Variants in ARMC9 observed in about 807,000 individuals in gnomAD.
The protein encoded by ARMC9 is armadillo repeat containing 9.
A neutral mutation model predicts 107.0 loss-of-function variants in ARMC9; 94 were observed. The ratio of observed to expected loss-of-function variants is 0.88; its 90% confidence interval spans 0.74 to 1.04. ARMC9 has a LOEUF of 1.04. ARMC9 is among the 50% of genes least tolerant of loss of function. The probability of loss-of-function intolerance (pLI) is 0.00; values close to 1 mark genes in which losing one functional copy is unlikely to be tolerated. For missense variants in ARMC9, 942 were observed against 1,030.1 expected, an observed-to-expected ratio of 0.91 and a Z score of 1.17; for synonymous variants, 380 against 396.9, an observed-to-expected ratio of 0.96 and a Z score of 0.51.
At chr2:231,274,841 G>T (rs1439478591) in intron 14 of ARMC9, among the ~76,000 whole-genome samples, 1 of 152,168 alleles carries the variant, frequency 6.6e-6, no homozygotes, top group East Asian at 1.9e-4. Flanking sequence ...CCCTGCCAAT[G>T]AAAATTCTTT....
At chr2:231,348,148 T>C (rs1378486357) in intron 21 of ARMC9, among the ~76,000 whole-genome samples, 1 of 152,230 alleles carries the variant, frequency 6.6e-6, no homozygotes, top group Non-Finnish European at 1.5e-5. Context: ...GCTGATGTGA[T>C]TAAGTTAAGG....
intron 11 of ARMC9, among the ~76,000 whole-genome samples, chr2:231,260,238 A>G (rs765509239): frequency 6.6e-6 from 1 of 152,154 alleles, no homozygotes; most frequent in Non-Finnish European, 1.5e-5. Flanking sequence ...CACACTTCAT[A>G]TAGCCTCCCA....
chr2:231,344,012 ATG>A (rs1396239606), intron 20 of ARMC9, among the ~76,000 whole-genome samples: 1 of 152,186 alleles, frequency 6.6e-6, no homozygotes, highest in Admixed American at 6.6e-5. Flanking sequence ...ACATGGCTAT[ATG>A]ATATATATAT....
chr2:231,335,446 G>GC (rs2044021796), intron 20 of ARMC9, among the ~76,000 whole-genome samples: 1 of 152,158 alleles, frequency 6.6e-6, no homozygotes, highest in African/African-American at 2.4e-5. Context: ...TGGACCAGTA[G>GC]CCCACCTGTT....
chr2:231,225,210 A>G (rs1457360116), intron 6 of ARMC9, among the ~76,000 whole-genome samples: 5 of 152,214 alleles, frequency 3.3e-5, no homozygotes, highest in African/African-American at 4.8e-5. Context: ...ATTTCTATGC[A>G]TTTTTATCAA....
chr2:231,229,325 T>C (rs956801877), intron 7 of ARMC9, among the ~76,000 whole-genome samples: 2 of 152,194 alleles, frequency 1.3e-5, no homozygotes, highest in African/African-American at 4.8e-5. Context: ...TTGTTTTAAG[T>C]GAAGTGGTTG....
chr2:231,235,336 A>G lies in ARMC9; in HGVS notation c.735A>G (p.Thr245=). ...ACTACCACAATCTCATTGGAGTCACAGCAGAGCTGGTGGATTCTCTAGAGG... is the reference window on the plus strand; with the variant it reads ...ACTACCACAATCTCATTGGAGTCACGGCAGAGCTGGTGGATTCTCTAGAGG... ...QADYHNLIGV[T]AELVDSLEAT... is the part of the protein sequence containing the mutation. The change falls in exon 8 of 25, where the codon ACA becomes ACG. Residue 245 remains threonine (T), a synonymous_variant. Coordinates refer to ENST00000611582, the MANE Select transcript of ARMC9 (RefSeq NM_001352754.2). The G allele has an allele frequency of 6.2e-7, 1 of 1,614,262 alleles. No homozygotes were observed. The highest frequency in any genetic ancestry group is 8.5e-7 in the Non-Finnish European group (1 of 1,180,046).
intron 19 of ARMC9, among the ~76,000 whole-genome samples, chr2:231,311,013 G>C (rs906374907): frequency 9.2e-5 from 14 of 152,126 alleles, no homozygotes; most frequent in African/African-American, 3.4e-4. Context: ...TGTAGTCCCA[G>C]CTACTTGGGA....
chr2:231,317,463 A>C (rs2042766106), intron 19 of ARMC9, among the ~76,000 whole-genome samples: 2 of 150,536 alleles, frequency 1.3e-5, no homozygotes, highest in Admixed American at 6.6e-5. Context: ...GAGCCACTGC[A>C]CCCGGCCTGG....
intron 7 of ARMC9, among the ~76,000 whole-genome samples, chr2:231,234,429 CCTT>C (rs1222492075): frequency 2.0e-5 from 3 of 152,054 alleles, no homozygotes; most frequent in Non-Finnish European, 4.4e-5. Flanking sequence ...AATCTCTTCT[CCTT>C]CTGGATTCTT....
At chr2:231,227,153 A>G (rs1329870870) in intron 7 of ARMC9, among the ~76,000 whole-genome samples, 6 of 152,202 alleles carry the variant, frequency 3.9e-5, no homozygotes, top group African/African-American at 9.7e-5. Flanking sequence ...TTATTTTAAT[A>G]TTTAACTTTT....
chr2:231,239,569 T>A (rs2036090670), intron 8 of ARMC9, among the ~76,000 whole-genome samples: 1 of 152,332 alleles, frequency 6.6e-6, no homozygotes, highest in Middle Eastern at 3.4e-3. Flanking sequence ...GATCTTCAGT[T>A]CTGAAGCTTG....
intron 19 of ARMC9, among the ~76,000 whole-genome samples, chr2:231,323,179 A>G (rs1469888868): frequency 6.6e-6 from 1 of 151,994 alleles, no homozygotes; most frequent in African/African-American, 2.4e-5. Context: ...ACAGAGCAAA[A>G]ACCTGTCTCT....
chr2:231,305,390 C>T (rs567709984), intron 19 of ARMC9, among the ~76,000 whole-genome samples: 94 of 152,316 alleles, frequency 6.2e-4, no homozygotes, highest in Non-Finnish European at 1.1e-3. Flanking sequence ...AGTATTTCAG[C>T]CAGTATTACT....
At chr2:231,339,999 G>A (rs928616300) in intron 20 of ARMC9, among the ~76,000 whole-genome samples, 1 of 152,158 alleles carries the variant, frequency 6.6e-6, no homozygotes, top group African/African-American at 2.4e-5. Context: ...TAGCATTTTT[G>A]GCTGGGCCTG....
intron 6 of ARMC9, among the ~76,000 whole-genome samples, chr2:231,223,248 A>G (rs1433902450): frequency 6.6e-6 from 1 of 152,232 alleles, no homozygotes; most frequent in Non-Finnish European, 1.5e-5. Flanking sequence ...GTGTAAATTT[A>G]CATACCATAA....
rs2035613879 is a variant in ARMC9, at chr2:231,235,373, G to A, written c.772G>A (p.Gly258Ser). Residue 258 changes from glycine to serine, a missense_variant, in exon 8 of 25, where the codon GGC becomes AGC. Physicochemically the swap from Gly to Ser is moderately conservative, Grantham distance 56. Coordinates refer to ENST00000611582, the MANE Select transcript of ARMC9 (RefSeq NM_001352754.2). ...LVDSLEATVS[G>S]KMITPEYLQS... ...GGATTCTCTAGAGGCCACAGTCAGC[G>A]GCAAGATGGTAAGGAAGATCCCTAA... is the stretch of plus-strand genomic sequence containing the variant. 6.2e-7 allele frequency: 1 copy of A among 1,614,040 alleles called. No individual in the cohort carries two copies. Among genetic ancestry groups the A allele is most frequent in the Non-Finnish European group, 8.5e-7 (1 of 1,179,968 alleles).
In ARMC9 at chr2:231,372,699, GGTGTGTGT is replaced by G. The variant is rs61556705; in HGVS notation, c.*1213_*1220del. 7,229 of 127,634 alleles carry G rather than the reference GGTGTGTGT, an allele frequency of 0.057. 138 individuals carry two copies. Among genetic ancestry groups the G allele is most frequent in the Admixed American group, 0.08 (1,014 of 12,638 alleles). 7.9% of individuals were successfully genotyped at this position (127,634 alleles called of 1,614,324 possible). On this transcript the variant is annotated 3_prime_UTR_variant, in exon 25 of 25. Coordinates refer to ENST00000611582, the MANE Select transcript of ARMC9 (RefSeq NM_001352754.2). ...CAAATAAAACCCATCAGTATTTAGT[GGTGTGTGT>G]GTGTGTGTGTGTGTGTGTGTGTGTG...
At chr2:231,310,662 G>T (rs906407376) in intron 19 of ARMC9, among the ~76,000 whole-genome samples, 1 of 149,804 alleles carries the variant, frequency 6.7e-6, no homozygotes. Context: ...ACCCGGGGTA[G>T]GGGGGAACGG....
Sources: gnomAD v4.1 joint callset for allele counts (sites outside exome capture counted in the v4.1 genomes callset) on GRCh38, gnomAD v4.1.1 for gene constraint, MANE v1.5 for transcripts, NCBI Gene and HGNC (gene_info 2026-07-23, HGNC 2026-07-21) for gene names.